Variants in MPP7 observed in about 807,000 individuals in gnomAD.
MPP7 encodes the protein MAGUK p55 subfamily member 7.
A neutral mutation model predicts 76.5 loss-of-function variants in MPP7; 60 were observed. The observed-to-expected ratio is 0.78, with a 90% CI of 0.64 to 0.97. MPP7 has a LOEUF of 0.97. Among genes scored for constraint, MPP7 ranks in the 50% least tolerant of loss-of-function variants. MPP7 has a pLI of 0.00. For missense variants in MPP7, 641 were observed against 694.0 expected, an observed-to-expected ratio of 0.92 and a Z score of 0.86; for synonymous variants, 237 against 244.5, an observed-to-expected ratio of 0.97 and a Z score of 0.29.
Position 28,147,511 on chromosome 10 carries a change from A to T in MPP7, c.287T>A (p.Leu96Ter). ...KPLNSEIREL[L>*]KLLSKPNVKA... ...CACATTGGGTTTTGACAGTAGTTTCAACAGCTCTCTGATCTCACTGTTTAA... is the reference window on the plus strand; with the variant it reads ...CACATTGGGTTTTGACAGTAGTTTCTACAGCTCTCTGATCTCACTGTTTAA... Residue 96 changes from leucine to a stop codon, truncating the protein, a stop_gained, in exon 5 of 17, where the codon TTG becomes TAG. Transcript: ENST00000683449. LOFTEE classifies it high-confidence loss of function. 1 of 1,614,074 alleles carries T rather than the reference A, an allele frequency of 6.2e-7. No individual in the cohort carries two copies.
rs79546972 is a variant in MPP7 at position 28,095,642 on chromosome 10, T to C, written c.953-5801A>G. Among the ~76,000 whole-genome samples, 10 of 152,272 alleles carry C rather than the reference T, an allele frequency of 6.6e-5. No homozygotes were observed. The South Asian group carries it at 1.4e-3, about 22-fold the overall frequency. On this transcript the variant is annotated intron_variant, in intron 11 of 16. Transcript: ENST00000683449. ...TCGTATTAAAAGGAAGACCAAAAAA[T>C]GTGACCTTAAACTGAAAGTACACAG...
chr10:28,219,044 G>GA (rs1838407904), intron 2 of MPP7, among the ~76,000 whole-genome samples: 1 of 152,098 alleles, frequency 6.6e-6, no homozygotes, highest in South Asian at 2.1e-4. Context: ...AAAATACAAG[G>GA]AAAATGATGA....
rs141727754 is a variant in MPP7 at position 28,299,206 on chromosome 10, G to C, written c.-132+3655C>G. Among the ~76,000 whole-genome samples the C allele has an allele frequency of 2.3e-4, 35 of 152,264 alleles. 1 individual carries two copies. Among genetic ancestry groups the C allele is most frequent in the African/African-American group, 8.2e-4 (34 of 41,540 alleles). ...TTTGGCCTGTTTCAGCTTTTGTCAT[G>C]ACCTCCTCACTAAGCTCACTCATTT... On this transcript the variant is annotated intron_variant, in intron 1 of 16. Coordinates refer to ENST00000683449, the MANE Select transcript of MPP7 (RefSeq NM_001318170.2).
At chr10:28,056,314 A>T (rs1281114769) in intron 16 of MPP7, among the ~76,000 whole-genome samples, 166 bp downstream of exon 16, 2 of 152,118 alleles carry the variant, frequency 1.3e-5, no homozygotes, top group Non-Finnish European at 2.9e-5. Flanking sequence ...TCCAACCATC[A>T]TGCCTGGCTA....
At chr10:28,293,604 C>G (rs139949609) in intron 1 of MPP7, among the ~76,000 whole-genome samples, 21 of 152,340 alleles carry the variant, frequency 1.4e-4, no homozygotes, top group East Asian at 9.7e-4. Context: ...AGACTCTACA[C>G]GGACCAATCA....
At chr10:28,217,224 CA>C (rs1838338222) in intron 2 of MPP7, among the ~76,000 whole-genome samples, 3 of 152,134 alleles carry the variant, frequency 2.0e-5, no homozygotes, top group East Asian at 3.9e-4. Context: ...ATAACATACT[CA>C]GAAGTCAGAA....
At chr10:28,062,837 A>G (rs1208624010) in intron 13 of MPP7, among the ~76,000 whole-genome samples, 1 of 152,190 alleles carries the variant, frequency 6.6e-6, no homozygotes, top group East Asian at 1.9e-4. Flanking sequence ...TAACAACATG[A>G]AAAATAACTC....
chr10:28,100,388 G>C lies in MPP7; in HGVS notation c.953-10547C>G, dbSNP rs76302585. On this transcript the variant is annotated intron_variant, in intron 11 of 16. Coordinates refer to ENST00000683449, the MANE Select transcript of MPP7 (RefSeq NM_001318170.2). ...GGAGGATAATTAAGAACATCTTACAGTAACAAACAAGTAAAAATCTTGGGA... is the reference window on the plus strand; with the variant it reads ...GGAGGATAATTAAGAACATCTTACACTAACAAACAAGTAAAAATCTTGGGA... Among the ~76,000 whole-genome samples the C allele has an allele frequency of 1.1e-3, 172 of 152,134 alleles. 1 individual carries two copies. The Middle Eastern group carries it at 0.02, about 18-fold the overall frequency.
chr10:28,174,459 C>T (rs759307179), intron 3 of MPP7, among the ~76,000 whole-genome samples: 4 of 152,172 alleles, frequency 2.6e-5, no homozygotes, highest in Non-Finnish European at 5.9e-5. Context: ...CCATAGGACA[C>T]GCATATGCCA....
chr10:28,082,793 G>T (rs912697102), intron 12 of MPP7, among the ~76,000 whole-genome samples: 1 of 152,002 alleles, frequency 6.6e-6, no homozygotes, highest in Admixed American at 6.6e-5. Context: ...TAGAGACGAG[G>T]TTTCACTGTA....
intron 16 of MPP7, among the ~76,000 whole-genome samples, chr10:28,055,909 C>A (rs1012095265): frequency 6.6e-6 from 1 of 152,140 alleles, no homozygotes; most frequent in Non-Finnish European, 1.5e-5. Context: ...GATCCATTCA[C>A]CAAAGCACAA....
At chr10:28,302,179 C>T (rs1173411036) in intron 1 of MPP7, among the ~76,000 whole-genome samples, 2 of 152,116 alleles carry the variant, frequency 1.3e-5, no homozygotes, top group Non-Finnish European at 2.9e-5. Flanking sequence ...CAAACCTGCA[C>T]AGGCATTCCT....
At position 28,284,317 on chromosome 10, in the gene MPP7, T is replaced by C. The variant is rs575476023; in HGVS notation, c.-132+18544A>G. ...CAGACATTTATATAATCTTCTGTTG[T>C]CTAGGCACCAAGTCTTGTGTATTCA... is the stretch of plus-strand genomic sequence containing the variant. On this transcript the variant is annotated intron_variant, in intron 1 of 16. Transcript: ENST00000683449. Among the ~76,000 whole-genome samples the C allele has an allele frequency of 5.9e-5, 9 of 152,272 alleles. No homozygotes were observed. The East Asian group carries it at 1.7e-3, about 29-fold the overall frequency.
At chr10:28,139,076 T>C (rs111434049) in intron 5 of MPP7, among the ~76,000 whole-genome samples, 3,297 of 152,034 alleles carry the variant, frequency 0.022, 100 homozygotes, top group African/African-American at 0.072. Context: ...AACATAGAAA[T>C]GATAACAAAA....
chr10:28,059,009 A>T (rs1851672734), intron 14 of MPP7, among the ~76,000 whole-genome samples: 1 of 152,198 alleles, frequency 6.6e-6, no homozygotes, highest in Admixed American at 6.5e-5. Context: ...TGGCTAATGG[A>T]GCCAGGGCAG....
At position 28,268,029 on chromosome 10, in the gene MPP7, C is replaced by T. The variant is rs374163297; in HGVS notation, c.-131-29294G>A. On this transcript the variant is annotated intron_variant, in intron 1 of 16. Transcript: ENST00000683449. ...CACCCAGGCTGGTGAAGTACACCCA[C>T]CCTGCCTCAAAAAACAAAAACAAAC... 6.8e-4 allele frequency among the ~76,000 whole-genome samples: 103 copies of T among 152,030 alleles called. 1 individual carries two copies. The highest frequency in any genetic ancestry group is 1.9e-3 in the African/African-American group (79 of 41,470).
intron 2 of MPP7, among the ~76,000 whole-genome samples, chr10:28,204,741 T>C (rs771209199): frequency 1.1e-4 from 16 of 152,360 alleles, no homozygotes; most frequent in Non-Finnish European, 1.9e-4. Context: ...TATGGCAGCA[T>C]TTAGCCCTGT....
chr10:28,313,315 GA>G (rs1841299766), intron 2 of MPP7, among the ~76,000 whole-genome samples: 1 of 152,160 alleles, frequency 6.6e-6, no homozygotes, highest in African/African-American at 2.4e-5. Context: ...AGACCAGCCT[GA>G]TCAACATGGT....
At chr10:28,236,663 G>A (rs999344463) in intron 2 of MPP7, 1 of 152,024 alleles carries the variant, frequency 6.6e-6, no homozygotes, top group Non-Finnish European at 1.5e-5. Flanking sequence ...AGAAGGGAAA[G>A]AAGAAGTGGT....
Sources: allele counts gnomAD v4.1 joint callset (sites outside exome capture counted in the v4.1 genomes callset), GRCh38; gene constraint gnomAD v4.1.1; transcripts MANE v1.5; gene names NCBI Gene and HGNC (gene_info 2026-07-23, HGNC 2026-07-21).